ETNK2: variants seen among roughly 807,000 people sequenced by gnomAD.
ETNK2 encodes ethanolamine kinase-like protein.
ETNK2 carries 33 observed loss-of-function variants against 46.2 expected under a neutral mutation model. The observed-to-expected ratio is 0.71, with a 90% CI of 0.54 to 0.96. ETNK2 has a LOEUF of 0.96. Ranked by LOEUF, ETNK2 falls within the 40% of genes least tolerant of loss-of-function variation. The probability of loss-of-function intolerance (pLI) is 0.00; values close to 1 mark genes in which losing one functional copy is unlikely to be tolerated. For missense variants in ETNK2, 445 were observed against 509.7 expected (o/e 0.87, Z 1.22); for synonymous variants, 194 against 209.0 (o/e 0.93, Z 0.62).
At chr1:204,149,251 T>G (rs1215419324) in intron 2 of ETNK2, among the ~76,000 whole-genome samples, 1 of 152,166 alleles carries the variant, frequency 6.6e-6, no homozygotes, top group Non-Finnish European at 1.5e-5. Context: ...GCAGAAGAGA[T>G]AGCATCTCCC....
chr1:204,150,659 G>A (rs1478899867), intron 1 of ETNK2: 2 of 152,890 alleles, frequency 1.3e-5, no homozygotes, highest in Non-Finnish European at 2.9e-5. Context: ...TGAGGCAGGA[G>A]AGGGGAGGGA....
chr1:204,134,718 C>T (rs748925574), intron 6 of ETNK2, 130 bp from the exon 7 acceptor site: 1 of 1,581,390 alleles, frequency 6.3e-7, no homozygotes, highest in East Asian at 2.3e-5. Context: ...GGTGGGGTCT[C>T]CCTAGCACAA....
At chr1:204,132,400 G>T in intron 7 of ETNK2, 144 bp from the exon 8 acceptor site, 1 of 625,358 alleles carries the variant, frequency 1.6e-6, no homozygotes, top group Non-Finnish European at 2.9e-6. Flanking sequence ...AGACTGATTA[G>T]TATTATTATT....
intron 2 of ETNK2, chr1:204,147,656 A>G: frequency 2.1e-6 from 1 of 477,920 alleles, no homozygotes; most frequent in South Asian, 1.6e-5. Flanking sequence ...GAAAGACAAC[A>G]AAGGCCTTAG....
chr1:204,151,804 TC>T lies in ETNK2; in HGVS notation c.48del (p.Arg17GlyfsTer158). 6.7e-7 allele frequency: 1 copy of T among 1,492,502 alleles called. No individual in the cohort carries two copies. The highest frequency in any genetic ancestry group is 8.9e-7 in the Non-Finnish European group (1 of 1,124,354). The allele number at this position is 1,492,502 out of a possible 1,614,324, so 92.5% of individuals were successfully genotyped here. ...SAPQPRASFH[L>X]RRHTPCPQCS... Reference sequence around the variant, plus strand: ...CACTGCGGGCAAGGCGTGTGCCTCCTCAGGTGAAAGGACGCGCGCGGCTGAG... The same window carrying T: ...CACTGCGGGCAAGGCGTGTGCCTCCTAGGTGAAAGGACGCGCGCGGCTGAG... On this transcript the variant is annotated frameshift_variant, in exon 1 of 8. Coordinates refer to ENST00000367202, the MANE Select transcript of ETNK2 (RefSeq NM_018208.4). LOFTEE classifies it high-confidence loss of function. This position sits in a 1 kb window ranked among gnomAD's most constrained non-coding sequence, Gnocchi z 8.0.
At chr1:204,133,620 C>T (rs1657162998) in intron 7 of ETNK2, among the ~76,000 whole-genome samples, 1 of 151,466 alleles carries the variant, frequency 6.6e-6, no homozygotes. Context: ...CAAGCTCCGC[C>T]TCCCGGGTTC....
rs148396414 is a variant in ETNK2, at chr1:204,136,711, C to G, written c.1014+393G>C. 6.1e-3 allele frequency among the ~76,000 whole-genome samples: 838 copies of G among 137,482 alleles called. 8 individuals are homozygous for G. Among genetic ancestry groups the G allele is most frequent in the African/African-American group, 0.02 (741 of 36,630 alleles). The allele number at this position is 137,482 out of a possible 152,430, so 90.2% of individuals were successfully genotyped here. ...CTGGGCAACAAGAGTGAGACTCTGC[C>G]TCAAAAAAAAAAAAAAAAAAGTATA... On this transcript the variant is annotated intron_variant, in intron 6 of 7. Transcript: ENST00000367202.
chr1:204,134,640 C>A, intron 6 of ETNK2, 52 bp from the exon 7 acceptor site: 1 of 1,613,996 alleles, frequency 6.2e-7, no homozygotes, highest in East Asian at 2.2e-5. Context: ...TGCCTGTTTC[C>A]GACTCTACAG....
rs567994051 is a variant in ETNK2 at position 204,141,152 on chromosome 1, A to G, written c.784+163T>C. Reference sequence around the variant, plus strand: ...TTGGCACAGACTTTTCAAAGTGGGAATTTTTTATTTCCTTTCCCCCTTCCC... The same window carrying G: ...TTGGCACAGACTTTTCAAAGTGGGAGTTTTTTATTTCCTTTCCCCCTTCCC... On this transcript the variant is annotated intron_variant, in intron 4 of 7. Transcript: ENST00000367202. 1.0e-5 allele frequency: 9 copies of G among 901,816 alleles called. No homozygotes were observed. The East Asian group carries it at 2.1e-4, about 21-fold the overall frequency. 55.9% of individuals were successfully genotyped at this position (901,816 alleles called of 1,614,324 possible).
intron 3 of ETNK2, 148 bp downstream of exon 3, chr1:204,146,494 C>G: frequency 1.1e-6 from 1 of 917,428 alleles, no homozygotes; most frequent in Non-Finnish European, 1.7e-6. Flanking sequence ...GGCTTACCGA[C>G]TAGGACTGAA....
intron 5 of ETNK2, 112 bp from the exon 6 acceptor site, chr1:204,137,361 T>C (rs1461770638): frequency 2.9e-6 from 4 of 1,379,248 alleles, no homozygotes; most frequent in African/African-American, 1.5e-5. Flanking sequence ...CTTTGATCTT[T>C]GGGGCTGTGC....
Position 204,151,186 on chromosome 1 carries a change from C to T in ETNK2, c.258+409G>A, listed in dbSNP as rs1657988963. The T allele has an allele frequency of 3.8e-6, 1 of 262,922 alleles. No individual in the cohort carries two copies. Among genetic ancestry groups the T allele is most frequent in the Non-Finnish European group, 6.8e-6 (1 of 147,446 alleles). 16.3% of individuals were successfully genotyped at this position (262,922 alleles called of 1,614,324 possible). On this transcript the variant is annotated intron_variant, in intron 1 of 7. Coordinates refer to ENST00000367202, the MANE Select transcript of ETNK2 (RefSeq NM_018208.4). The surrounding 1 kb of genome is among the most constrained non-coding windows in gnomAD (Gnocchi z 8.0). Reference sequence around the variant, plus strand: ...CCACCATGGGGTGGAGAAGGGGCAGCAATGTATGCATGTATGGCTGGGTCG... The same window carrying T: ...CCACCATGGGGTGGAGAAGGGGCAGTAATGTATGCATGTATGGCTGGGTCG...
intron 4 of ETNK2, among the ~76,000 whole-genome samples, chr1:204,140,420 G>A (rs1571618511): frequency 6.6e-6 from 1 of 152,126 alleles, no homozygotes; most frequent in Admixed American, 6.5e-5. Flanking sequence ...CTAAGGATCA[G>A]GAATAAAGCT....
Position 204,151,564 on chromosome 1 carries a change from C to T in ETNK2, c.258+31G>A, listed in dbSNP as rs751624868. On this transcript the variant is annotated intron_variant, in intron 1 of 7. Coordinates refer to ENST00000367202, the MANE Select transcript of ETNK2 (RefSeq NM_018208.4). The surrounding 1 kb of genome is among the most constrained non-coding windows in gnomAD (Gnocchi z 8.0). ...ATCCCCCTGGCAGCCCTGGCAGGAC[C>T]CCATCCTCGGCCCCGCGCCCACTCC... 7.7e-5 allele frequency: 119 copies of T among 1,548,108 alleles called. No individual in the cohort carries two copies. Among genetic ancestry groups the T allele is most frequent in the Non-Finnish European group, 9.8e-5 (112 of 1,145,970 alleles).
Position 204,139,432 on chromosome 1 carries a change from G to A in ETNK2, c.868+603C>T, listed in dbSNP as rs77770677. 5.4e-3 allele frequency among the ~76,000 whole-genome samples: 817 copies of A among 152,326 alleles called. 4 individuals are homozygous for A. Among genetic ancestry groups the A allele is most frequent in the Non-Finnish European group, 9.5e-3 (646 of 68,026 alleles). The stretch of plus-strand genomic sequence containing the variant: ...TCATGTACCAAGCTGAGTTACCAAA[G>A]TGCCATATGGGCTAGGAGAGGTCTG... On this transcript the variant is annotated intron_variant, in intron 5 of 7. Transcript: ENST00000367202.
intron 2 of ETNK2, among the ~76,000 whole-genome samples, chr1:204,147,269 G>C (rs1310120834): frequency 6.6e-6 from 1 of 152,222 alleles, no homozygotes; most frequent in Admixed American, 6.5e-5. Context: ...GGTGGGGAGG[G>C]AAACAGGCTG....
In ETNK2 at chr1:204,131,262, G is replaced by C. The variant is rs924216659; in HGVS notation, c.*922C>G. On this transcript the variant is annotated 3_prime_UTR_variant, in exon 8 of 8. Coordinates refer to ENST00000367202, the MANE Select transcript of ETNK2 (RefSeq NM_018208.4). This position sits in a 1 kb window ranked among gnomAD's most constrained non-coding sequence, Gnocchi z 4.3. ...GCTCTCCCACGATAGGCCCTGGGGG[G>C]CCCTGGCCCCCACCCCATCCTCTTG... The C allele has an allele frequency of 1.3e-5, 2 of 152,480 alleles. No individual in the cohort carries two copies. The allele number at this position is 152,480 out of a possible 1,614,324, so 9.4% of individuals were successfully genotyped here.
intron 3 of ETNK2, among the ~76,000 whole-genome samples, chr1:204,145,803 A>G (rs969329961): frequency 6.6e-6 from 1 of 152,202 alleles, no homozygotes; most frequent in Non-Finnish European, 1.5e-5. Context: ...CCCAGCAGGG[A>G]GCGTGAAGGA....
intron 4 of ETNK2, among the ~76,000 whole-genome samples, chr1:204,140,742 C>G (rs993256380): frequency 1.3e-5 from 2 of 151,264 alleles, no homozygotes; most frequent in African/African-American, 4.9e-5. Flanking sequence ...CCAGGCTGGT[C>G]TTGAACTCCT....
Sources: gnomAD v4.1 joint callset for allele counts (sites outside exome capture counted in the v4.1 genomes callset) on GRCh38, gnomAD v4.1.1 for gene constraint, Gnocchi (gnomAD v3.1) non-coding constraint, MANE v1.5 for transcripts, NCBI Gene and HGNC (gene_info 2026-07-23, HGNC 2026-07-21) for gene names.